The following SLC14A2 variants were observed in gnomAD, a reference collection of about 807,000 sequenced individuals.
SLC14A2 encodes the protein solute carrier family 14 member 2.
A neutral mutation model predicts 104.6 loss-of-function variants in SLC14A2; 91 were observed. That is an observed-to-expected ratio of 0.87 (90% CI 0.73 to 1.04). The LOEUF is 1.04. SLC14A2 is among the 50% of genes least tolerant of loss of function. The probability of loss-of-function intolerance (pLI) is 0.00; values close to 1 mark genes in which losing one functional copy is unlikely to be tolerated. For missense variants in SLC14A2, 1,189 were observed against 1,156.0 expected (o/e 1.03, Z -0.41); for synonymous variants, 476 against 466.4 (o/e 1.02, Z -0.27).
intron 15 of SLC14A2, 49 bp downstream of exon 15, chr18:45,668,526 C>A (rs777694021): frequency 2.5e-6 from 4 of 1,604,972 alleles, no homozygotes; most frequent in Non-Finnish European, 3.4e-6. Flanking sequence ...GGCCACCAAC[C>A]TTTTCATCCC....
rs1179294426 is a variant in SLC14A2, at chr18:45,628,421, T to G, written c.521+1274T>G. ...ATCGCACCACTACACTCCAGCCTGGTGACAGAGCGAGACTCTGCCTCAAAA... is the reference window on the plus strand; with the variant it reads ...ATCGCACCACTACACTCCAGCCTGGGGACAGAGCGAGACTCTGCCTCAAAA... On this transcript the variant is annotated intron_variant, in intron 4 of 19. Transcript: ENST00000255226. Among the ~76,000 whole-genome samples, 10 of 144,602 alleles carry G rather than the reference T, an allele frequency of 6.9e-5. No individual in the cohort carries two copies. In the South Asian group the frequency reaches 2.0e-3, roughly 29 times the overall value. 94.9% of individuals were successfully genotyped at this position (144,602 alleles called of 152,430 possible).
At chr18:45,409,163 C>A (rs2086187539) in intron 1 of SLC14A2, among the ~76,000 whole-genome samples, 1 of 152,152 alleles carries the variant, frequency 6.6e-6, no homozygotes, top group Non-Finnish European at 1.5e-5. Flanking sequence ...GAATTGAGAT[C>A]CTAGAAGTCA....
At chr18:45,516,382 T>G (rs1202465222) in intron 2 of SLC14A2, among the ~76,000 whole-genome samples, 2 of 152,198 alleles carry the variant, frequency 1.3e-5, no homozygotes, top group Admixed American at 6.5e-5. Flanking sequence ...AAAATAAGTG[T>G]GTGAACCTGG....
chr18:45,396,241 A>G (rs563976515), intron 1 of SLC14A2, among the ~76,000 whole-genome samples: 1 of 152,282 alleles, frequency 6.6e-6, no homozygotes, highest in South Asian at 2.1e-4. Flanking sequence ...TTTGTCATCC[A>G]ATAGCTAGTC....
intron 1 of SLC14A2, among the ~76,000 whole-genome samples, chr18:45,475,353 T>G (rs1376865277): frequency 1.3e-5 from 2 of 151,964 alleles, no homozygotes; most frequent in African/African-American, 4.8e-5. Context: ...TTCTGTTGAC[T>G]TGGGGTGGGG....
At chr18:45,512,321 G>A (rs1449313797) in intron 2 of SLC14A2, among the ~76,000 whole-genome samples, 1 of 152,086 alleles carries the variant, frequency 6.6e-6, no homozygotes, top group East Asian at 1.9e-4. Context: ...CATGGAAGGA[G>A]TGGAGAAAAA....
chr18:45,275,460 C>G (rs2084692522), intron 1 of SLC14A2, among the ~76,000 whole-genome samples: 1 of 152,132 alleles, frequency 6.6e-6, no homozygotes, highest in African/African-American at 2.4e-5. Flanking sequence ...ATACACTGCT[C>G]CTCTCTGTCC....
At chr18:45,198,525 A>C in the SLC14A2 span, among the ~76,000 whole-genome samples, 14 of 152,044 alleles carry the variant, frequency 9.2e-5, 1 homozygote, top group Admixed American at 5.2e-4. Context: ...CCCCATGTAC[A>C]TTTGGATTTA....
the SLC14A2 span, among the ~76,000 whole-genome samples, chr18:45,195,744 C>T: frequency 1.3e-5 from 2 of 152,088 alleles, no homozygotes; most frequent in South Asian, 2.1e-4. Context: ...ATATCAGAGT[C>T]GTGAATTCAA....
chr18:45,231,432 G>A (rs2084173689), intron 1 of SLC14A2, among the ~76,000 whole-genome samples: 1 of 152,080 alleles, frequency 6.6e-6, no homozygotes, highest in Non-Finnish European at 1.5e-5. Context: ...TGAACCCCTG[G>A]CCTCAAGCGA....
the SLC14A2 span, among the ~76,000 whole-genome samples, chr18:45,187,373 A>G: frequency 6.6e-6 from 1 of 152,152 alleles, no homozygotes; most frequent in Non-Finnish European, 1.5e-5. Context: ...AGAATGCCAA[A>G]CTGAATAAAG....
At chr18:45,546,507 C>G (rs947667029) in intron 2 of SLC14A2, among the ~76,000 whole-genome samples, 1 of 152,164 alleles carries the variant, frequency 6.6e-6, no homozygotes, top group Non-Finnish European at 1.5e-5. Context: ...CTAACACAGA[C>G]CCTATAATCA....
At chr18:45,443,563 C>T (rs1245813036) in intron 1 of SLC14A2, among the ~76,000 whole-genome samples, 1 of 150,682 alleles carries the variant, frequency 6.6e-6, no homozygotes, top group Non-Finnish European at 1.5e-5. Flanking sequence ...TTGATTTACA[C>T]AGAAAGGCAG....
intron 11 of SLC14A2, among the ~76,000 whole-genome samples, chr18:45,665,455 C>T (rs994911328): frequency 1.7e-4 from 26 of 152,232 alleles, no homozygotes; most frequent in African/African-American, 6.3e-4. Flanking sequence ...ATTACAAAGG[C>T]TTGCCAAAAT....
chr18:45,236,283 GTGTATATATACATGTATGTGTGTA>G (rs2084244096), intron 1 of SLC14A2, among the ~76,000 whole-genome samples: 1 of 55,364 alleles, frequency 1.8e-5, no homozygotes, highest in Non-Finnish European at 3.0e-5. Flanking sequence ...GTGTGTATAT[GTGTATATATACATGTATGTGTGTA>G]TATGTGTATA....
At chr18:45,291,684 A>G (rs924201133) in intron 1 of SLC14A2, among the ~76,000 whole-genome samples, 1 of 152,190 alleles carries the variant, frequency 6.6e-6, no homozygotes, top group African/African-American at 2.4e-5. Context: ...TTGGCATGTT[A>G]GGGATCTTCC....
At chr18:45,522,244 G>C (rs1484670237) in intron 2 of SLC14A2, among the ~76,000 whole-genome samples, 2 of 152,224 alleles carry the variant, frequency 1.3e-5, no homozygotes, top group African/African-American at 2.4e-5. Context: ...GGTATGATGT[G>C]TTGTGAAAAG....
chr18:45,475,654 T>TATATATATATATATATTTATG (rs2087357108), intron 1 of SLC14A2, among the ~76,000 whole-genome samples: 1 of 53,588 alleles, frequency 1.9e-5, no homozygotes, highest in African/African-American at 1.1e-4. Flanking sequence ...TATATATATA[T>TATATATATATATATATTTATG]ATATATATAT....
chr18:45,505,675 C>G (rs1021595221), intron 2 of SLC14A2, among the ~76,000 whole-genome samples: 1 of 151,200 alleles, frequency 6.6e-6, no homozygotes, highest in African/African-American at 2.4e-5. Context: ...AGTCCTCGGC[C>G]CCCCGAGCAC....
Sources: gnomAD v4.1 joint callset for allele counts (sites outside exome capture counted in the v4.1 genomes callset) on GRCh38, gnomAD v4.1.1 for gene constraint, MANE v1.5 for transcripts, NCBI Gene and HGNC (gene_info 2026-07-23, HGNC 2026-07-21) for gene names.